Variants in ITPR1 observed in about 807,000 individuals in gnomAD.
ITPR1 encodes the protein inositol 1,4,5-trisphosphate receptor type 1, also known as inositol 1,4,5-trisphosphate-gated calcium channel ITPR1.
Under a neutral mutation model 318.4 loss-of-function variants are expected in ITPR1, and 96 were observed. The ratio of observed to expected loss-of-function variants is 0.30; its 90% confidence interval spans 0.26 to 0.36. ITPR1 has a LOEUF of 0.36. Ranked by LOEUF, ITPR1 falls within the 10% of genes least tolerant of loss-of-function variation. The pLI is 1.00. For synonymous variants in ITPR1, 1,312 were observed against 1,289.9 expected (o/e 1.02, Z -0.37); for missense variants, 2,440 against 3,460.2 (o/e 0.71, Z 7.40).
chr3:4,540,016 G>A (rs897450529), intron 4 of ITPR1, among the ~76,000 whole-genome samples: 2 of 147,894 alleles, frequency 1.4e-5, no homozygotes, highest in Admixed American at 6.7e-5. Context: ...ATTACTTACA[G>A]TGAATTTTAC....
Position 4,670,896 on chromosome 3 carries a change from A to C in ITPR1, c.2174A>C (p.Lys725Thr), listed in dbSNP as rs797045632. ...ELAQDAKEGQ[K>T]EDRDVLSYYR... is the part of the protein sequence containing the mutation. ...GCTCAGGATGCTAAAGAAGGGCAGA[A>C]GGAGGACCGAGACGTTCTCAGCTAC... The change falls in exon 20 of 62, where the codon AAG becomes ACG. Residue 725 changes from lysine to threonine, a missense_variant. Lys to Thr is a moderately conservative substitution (Grantham distance 78). Coordinates refer to ENST00000649015, the MANE Select transcript of ITPR1 (RefSeq NM_001378452.1). 6.2e-7 allele frequency: 1 copy of C among 1,600,470 alleles called. No individual in the cohort carries two copies.
At chr3:4,775,195 C>A in intron 46 of ITPR1, 47 bp from the exon 47 acceptor site, 1 of 1,340,098 alleles carries the variant, frequency 7.5e-7, no homozygotes, top group Non-Finnish European at 1.1e-6. Context: ...ACGTTTCCCT[C>A]TTCCCTCTGC....
chr3:4,718,717 C>A (rs979067501), intron 40 of ITPR1, among the ~76,000 whole-genome samples: 4 of 152,156 alleles, frequency 2.6e-5, no homozygotes, highest in Non-Finnish European at 4.4e-5. Flanking sequence ...GAGGGCCATG[C>A]CTTCTGGGAA....
chr3:4,694,947 G>GTATA (rs2094534849), intron 33 of ITPR1, among the ~76,000 whole-genome samples: 1 of 152,162 alleles, frequency 6.6e-6, no homozygotes, highest in Non-Finnish European at 1.5e-5. Flanking sequence ...AACGCATACA[G>GTATA]TATATATACT....
chr3:4,553,612 T>G (rs2085805224), intron 4 of ITPR1, among the ~76,000 whole-genome samples: 1 of 150,404 alleles, frequency 6.6e-6, no homozygotes, highest in Admixed American at 6.6e-5. Context: ...TTTTTTTTTT[T>G]TTTTTGAGAC....
intron 53 of ITPR1, among the ~76,000 whole-genome samples, chr3:4,798,132 C>A (rs894549195): frequency 6.6e-6 from 1 of 152,118 alleles, no homozygotes; most frequent in Admixed American, 6.6e-5. Context: ...CTTAAGAGTC[C>A]ATTTAAAATG....
At chr3:4,821,675 T>C (rs2049729121) in intron 60 of ITPR1, among the ~76,000 whole-genome samples, 1 of 152,202 alleles carries the variant, frequency 6.6e-6, no homozygotes, top group African/African-American at 2.4e-5. Flanking sequence ...TGCTCAGCCA[T>C]GTAAAAACAC....
chr3:4,773,062 G>A (rs78614039), intron 46 of ITPR1, among the ~76,000 whole-genome samples: 316 of 152,378 alleles, frequency 2.1e-3, no homozygotes, highest in African/African-American at 7.1e-3. Context: ...GGCACCCAGC[G>A]CTGTCAACGT....
At chr3:4,815,301 C>T (rs908526181) in intron 59 of ITPR1, 83 bp downstream of exon 59, 21 of 1,382,582 alleles carry the variant, frequency 1.5e-5, no homozygotes, top group Middle Eastern at 2.0e-4. Flanking sequence ...GTGTGATGGG[C>T]GGGGTGCCTG....
chr3:4,807,130 TTA>T (rs2048619400), intron 55 of ITPR1, among the ~76,000 whole-genome samples: 1 of 1,756 alleles, frequency 5.7e-4, no homozygotes, highest in African/African-American at 1.5e-3. Flanking sequence ...AGAGGGGGGC[TTA>T]CAAAGAGAGG....
intron 4 of ITPR1, among the ~76,000 whole-genome samples, chr3:4,605,282 T>G (rs1208022884): frequency 6.6e-6 from 1 of 152,164 alleles, no homozygotes; most frequent in Non-Finnish European, 1.5e-5. Flanking sequence ...GACCACATAT[T>G]ATTTTAAAAT....
At chr3:4,647,423 G>A (rs573657244) in intron 10 of ITPR1, among the ~76,000 whole-genome samples, 104 of 152,300 alleles carry the variant, frequency 6.8e-4, no homozygotes, top group Non-Finnish European at 5.4e-4. Flanking sequence ...ATACCTAGCA[G>A]TGGATTGGCT....
chr3:4,547,406 CAT>C (rs762982647), intron 4 of ITPR1, among the ~76,000 whole-genome samples: 2 of 152,212 alleles, frequency 1.3e-5, no homozygotes, highest in African/African-American at 2.4e-5. Context: ...CCGTTCTTCA[CAT>C]GTGTCTTGTG....
At chr3:4,693,860 A>G (rs1437167119) in intron 33 of ITPR1, 119 bp downstream of exon 33, 4 of 1,064,326 alleles carry the variant, frequency 3.8e-6, no homozygotes, top group Admixed American at 5.4e-5. Flanking sequence ...TGAAAGCTGC[A>G]GCTCATTTTG....
At chr3:4,787,337 CAAAAAAAAAA>C (rs71053443) in intron 51 of ITPR1, among the ~76,000 whole-genome samples, 1 of 51,346 alleles carries the variant, frequency 1.9e-5, no homozygotes, top group Non-Finnish European at 3.2e-5. Flanking sequence ...GACTCCATCT[CAAAAAAAAAA>C]AAAAAAAAAA....
At chr3:4,590,095 G>C (rs1048005167) in intron 4 of ITPR1, among the ~76,000 whole-genome samples, 2 of 151,078 alleles carry the variant, frequency 1.3e-5, no homozygotes, top group Admixed American at 6.6e-5. Flanking sequence ...CACCACCCCT[G>C]AGAGACCTCT....
intron 4 of ITPR1, among the ~76,000 whole-genome samples, chr3:4,563,560 T>G (rs1270609319): frequency 2.0e-5 from 3 of 152,172 alleles, no homozygotes; most frequent in African/African-American, 7.2e-5. Flanking sequence ...TGAGAATTAT[T>G]ACATAAGTTG....
At position 4,768,558 on chromosome 3, in the gene ITPR1, C is replaced by T. The variant is rs751233742; in HGVS notation, c.5773C>T (p.Leu1925=). The T allele has an allele frequency of 1.9e-6, 3 of 1,613,880 alleles. No homozygotes were observed. In the African/African-American group the frequency reaches 4.0e-5, roughly 22 times the overall value. ...AACAGAAGAGGTCCGGGATCAGCTCCTGGAGGCCTCCGCTGCCACCAGGAA... is the reference window on the plus strand; with the variant it reads ...AACAGAAGAGGTCCGGGATCAGCTCTTGGAGGCCTCCGCTGCCACCAGGAA... The part of the protein sequence containing the change: ...QITEEVRDQL[L]EASAATRKAF... Residue 1925 remains leucine, a synonymous_variant, in exon 46 of 62, where the codon CTG becomes TTG. Transcript: ENST00000649015.
At position 4,717,313 on chromosome 3, in the gene ITPR1, G is replaced by A. The variant is rs371313560; in HGVS notation, c.5104-54G>A. The A allele has an allele frequency of 9.2e-4, 1,339 of 1,448,304 alleles. 4 individuals carry two copies. The highest frequency in any genetic ancestry group is 1.4e-3 in the South Asian group (119 of 87,502). 89.7% of individuals were successfully genotyped at this position (1,448,304 alleles called of 1,614,324 possible). ...TAAAGTCTATAAACTTGGCTGGCTTGTATTTCCTTTCCTAACATTTCCTTC... is the reference window on the plus strand; with the variant it reads ...TAAAGTCTATAAACTTGGCTGGCTTATATTTCCTTTCCTAACATTTCCTTC... On this transcript the variant is annotated intron_variant, in intron 39 of 61. Transcript: ENST00000649015.
Sources: allele counts gnomAD v4.1 joint callset (sites outside exome capture counted in the v4.1 genomes callset), GRCh38; gene constraint gnomAD v4.1.1; transcripts MANE v1.5; gene names NCBI Gene and HGNC (gene_info 2026-07-23, HGNC 2026-07-21).